Variants in SYT1 observed in about 807,000 individuals in gnomAD.
SYT1 encodes the protein synaptotagmin-1.
A neutral mutation model predicts 44.8 loss-of-function variants in SYT1; 8 were observed. That is an observed-to-expected ratio of 0.18 (90% confidence interval 0.10 to 0.32). SYT1 has a LOEUF of 0.32. SYT1 is among the 10% of genes least tolerant of loss of function. SYT1 has a pLI of 1.00. For missense variants in SYT1, 286 were observed against 509.3 expected, an observed-to-expected ratio of 0.56 and a Z score of 4.22; for synonymous variants, 154 against 188.8, an observed-to-expected ratio of 0.82 and a Z score of 1.51.
intron 9 of SYT1, among the ~76,000 whole-genome samples, chr12:79,407,705 T>C (rs1391469871): frequency 1.3e-5 from 2 of 152,096 alleles, no homozygotes; most frequent in African/African-American, 4.8e-5. Flanking sequence ...AAAGACTATT[T>C]GGTGGCCCCT....
intron 3 of SYT1, among the ~76,000 whole-genome samples, chr12:79,072,582 T>G (rs538180909): frequency 6.6e-6 from 1 of 152,038 alleles, no homozygotes; most frequent in African/African-American, 2.4e-5. Flanking sequence ...ATATTTTCAA[T>G]TTTTTGCTTA....
At chr12:78,945,159 A>AAT (rs1268633698) in intron 1 of SYT1, among the ~76,000 whole-genome samples, 1 of 152,152 alleles carries the variant, frequency 6.6e-6, no homozygotes, top group Non-Finnish European at 1.5e-5. Flanking sequence ...TGAACTTATA[A>AAT]ATAACACAGC....
intron 9 of SYT1, among the ~76,000 whole-genome samples, chr12:79,411,919 A>G (rs1868458394): frequency 6.6e-6 from 1 of 152,152 alleles, no homozygotes; most frequent in African/African-American, 2.4e-5. Flanking sequence ...TTAAATTGCT[A>G]TAGATCATTT....
intron 1 of SYT1, among the ~76,000 whole-genome samples, chr12:78,914,358 A>G (rs994594682): frequency 4.0e-5 from 6 of 151,808 alleles, no homozygotes; most frequent in East Asian, 3.9e-4. Flanking sequence ...GAAAAATTCT[A>G]TTTCCTGGTT....
chr12:78,969,753 G>T (rs975073866), intron 1 of SYT1, among the ~76,000 whole-genome samples: 1 of 152,176 alleles, frequency 6.6e-6, no homozygotes, highest in Non-Finnish European at 1.5e-5. Flanking sequence ...TCAGAGCAAA[G>T]GTGAGCCACT....
intron 6 of SYT1, among the ~76,000 whole-genome samples, chr12:79,295,055 T>C (rs1879815104): frequency 6.6e-6 from 1 of 152,164 alleles, no homozygotes; most frequent in Admixed American, 6.5e-5. Context: ...ATTGCTTTTT[T>C]ACTCTACTAG....
rs187243452 is a variant in SYT1, at chr12:78,883,992, A to C, written c.-217+18883A>C. 4.0e-5 allele frequency among the ~76,000 whole-genome samples: 6 copies of C among 150,566 alleles called. No individual in the cohort carries two copies. The Admixed American group carries it at 4.0e-4, about 10-fold the overall frequency. On this transcript the variant is annotated intron_variant, in intron 1 of 10. Coordinates refer to ENST00000261205, the MANE Select transcript of SYT1 (RefSeq NM_005639.3). ...GTTTTTTAAATAAAAATAATTTTCT[A>C]AATAAAAAATTATTCCATAAAATTA... is the stretch of plus-strand genomic sequence containing the variant.
chr12:78,981,997 G>C (rs949730714), intron 2 of SYT1, among the ~76,000 whole-genome samples: 4 of 152,134 alleles, frequency 2.6e-5, no homozygotes, highest in Admixed American at 6.6e-5. Context: ...GGAGGTATCT[G>C]TCTTGTTCCT....
At chr12:79,249,321 G>A (rs1877051780) in intron 4 of SYT1, among the ~76,000 whole-genome samples, 2 of 150,032 alleles carry the variant, frequency 1.3e-5, no homozygotes, top group African/African-American at 2.5e-5. Flanking sequence ...AGCCAGGATG[G>A]TCTCGATCTC....
rs1022800587 is a variant in SYT1, at chr12:79,228,872, G to T, written c.166+11187G>T. The stretch of plus-strand genomic sequence containing the variant: ...CCCAGTACCCTAATACATTGTTGGG[G>T]TTTTTTTTGCCATTCAAGAGCCAGT... On this transcript the variant is annotated intron_variant, in intron 4 of 10. Coordinates refer to ENST00000261205, the MANE Select transcript of SYT1 (RefSeq NM_005639.3). Among the ~76,000 whole-genome samples, 17 of 151,852 alleles carry T rather than the reference G, an allele frequency of 1.1e-4. No homozygotes were observed. The East Asian group carries it at 2.9e-3, about 26-fold the overall frequency.
intron 2 of SYT1, among the ~76,000 whole-genome samples, chr12:79,000,531 T>G (rs1233753716): frequency 6.6e-6 from 1 of 152,146 alleles, no homozygotes; most frequent in Non-Finnish European, 1.5e-5. Flanking sequence ...ACTCCTGACC[T>G]CAGGTGATCC....
intron 9 of SYT1, among the ~76,000 whole-genome samples, chr12:79,365,620 G>A (rs903202128): frequency 1.3e-5 from 2 of 151,974 alleles, no homozygotes; most frequent in Non-Finnish European, 2.9e-5. Context: ...AAAGCAATAG[G>A]AGAAAGTCTC....
At chr12:78,889,151 T>C (rs1874907890) in intron 1 of SYT1, among the ~76,000 whole-genome samples, 1 of 151,904 alleles carries the variant, frequency 6.6e-6, no homozygotes, top group African/African-American at 2.4e-5. Flanking sequence ...TCCTGCTTTG[T>C]CTGGGAATGT....
At chr12:78,945,511 T>TCTTC (rs1878607550) in intron 1 of SYT1, among the ~76,000 whole-genome samples, 2 of 151,688 alleles carry the variant, frequency 1.3e-5, no homozygotes, top group African/African-American at 4.8e-5. Flanking sequence ...TTTCTTTCTT[T>TCTTC]ATAAAATTAC....
intron 3 of SYT1, among the ~76,000 whole-genome samples, chr12:79,143,641 T>C (rs1869701081): frequency 6.6e-6 from 1 of 152,212 alleles, no homozygotes; most frequent in Admixed American, 6.5e-5. Flanking sequence ...AAACATAAAA[T>C]CAGAACAAGT....
intron 9 of SYT1, among the ~76,000 whole-genome samples, chr12:79,438,588 G>T (rs1457812158): frequency 6.6e-6 from 1 of 152,228 alleles, no homozygotes; most frequent in Non-Finnish European, 1.5e-5. Context: ...TGCCCATTTG[G>T]CAGAGTTGTA....
chr12:79,353,664 C>G, intron 9 of SYT1, 45 bp downstream of exon 9: 15 of 1,391,376 alleles, frequency 1.1e-5, no homozygotes, highest in Non-Finnish European at 1.5e-5. Flanking sequence ...GCTGTTTCGT[C>G]GTGGATACCA....
intron 10 of SYT1, among the ~76,000 whole-genome samples, chr12:79,446,644 T>C (rs1219146953): frequency 6.6e-6 from 1 of 152,200 alleles, no homozygotes; most frequent in Non-Finnish European, 1.5e-5. Flanking sequence ...CTTTATCATA[T>C]AAATTTTCAC....
intron 6 of SYT1, among the ~76,000 whole-genome samples, chr12:79,293,517 AT>A (rs1218661858): frequency 1.7e-4 from 26 of 152,142 alleles, no homozygotes; most frequent in African/African-American, 5.5e-4. Context: ...TGAATGTAAA[AT>A]AAATACAGTT....
Sources: gnomAD v4.1 joint callset for allele counts (sites outside exome capture counted in the v4.1 genomes callset) on GRCh38, gnomAD v4.1.1 for gene constraint, MANE v1.5 for transcripts, NCBI Gene and HGNC (gene_info 2026-07-23, HGNC 2026-07-21) for gene names.